The following IKBKE variants were observed in gnomAD, a reference collection of about 807,000 sequenced individuals.
The protein encoded by IKBKE is inhibitor of nuclear factor kappa-B kinase subunit epsilon.
IKBKE carries 45 observed loss-of-function variants against 92.1 expected under a neutral mutation model. The observed-to-expected ratio is 0.49, with a 90% CI of 0.38 to 0.63. The LOEUF is 0.63. Among genes scored for constraint, IKBKE ranks in the 20% least tolerant of loss-of-function variants. The pLI, the probability that IKBKE is intolerant of heterozygous loss-of-function variation, is 0.00. For missense variants in IKBKE, 700 were observed against 932.8 expected (o/e 0.75, Z 3.25); for synonymous variants, 374 against 380.3 (o/e 0.98, Z 0.19).
intron 13 of IKBKE, among the ~76,000 whole-genome samples, chr1:206,481,476 T>C (rs1172623938): frequency 6.6e-6 from 1 of 152,028 alleles, no homozygotes; most frequent in Non-Finnish European, 1.5e-5. Flanking sequence ...AAGAGGAGCA[T>C]CTCCAGATAA....
intron 13 of IKBKE, among the ~76,000 whole-genome samples, chr1:206,481,084 A>T (rs1553386941): frequency 6.6e-6 from 1 of 152,180 alleles, no homozygotes; most frequent in East Asian, 1.9e-4. Context: ...GATGGGTTGG[A>T]AAAAGAGAGA....
chr1:206,491,409 A>AC, intron 17 of IKBKE: 2 of 450,810 alleles, frequency 4.4e-6, no homozygotes, highest in Non-Finnish European at 8.3e-6. Flanking sequence ...TTCCCTGAGG[A>AC]CCCCCTGTGT....
intron 5 of IKBKE, among the ~76,000 whole-genome samples, chr1:206,475,537 C>T (rs1553385022): frequency 2.0e-5 from 3 of 152,040 alleles, no homozygotes; most frequent in South Asian, 2.1e-4. Flanking sequence ...GGGTTTGAGA[C>T]CAGTCTGGCG....
intron 13 of IKBKE, among the ~76,000 whole-genome samples, chr1:206,483,361 C>T (rs1471905847): frequency 7.9e-5 from 12 of 152,222 alleles, no homozygotes; most frequent in African/African-American, 2.9e-4. Context: ...CCAGCCTCAC[C>T]CTCTTCTGCC....
intron 19 of IKBKE, 51 bp downstream of exon 19, chr1:206,493,170 C>T (rs1553391100): frequency 1.3e-6 from 2 of 1,563,328 alleles, no homozygotes; most frequent in Admixed American, 1.7e-5. Flanking sequence ...GGCTGGGGCG[C>T]TTGTTACCCA....
chr1:206,496,861 GT>G lies in IKBKE; in HGVS notation c.*717del, dbSNP rs1343313423. The G allele has an allele frequency of 4.5e-6, 1 of 224,376 alleles. No homozygotes were observed. Among genetic ancestry groups the G allele is most frequent in the Non-Finnish European group, 8.9e-6 (1 of 112,542 alleles). The allele number at this position is 224,376 out of a possible 1,614,324, so 13.9% of individuals were successfully genotyped here. On this transcript the variant is annotated 3_prime_UTR_variant, in exon 22 of 22. Transcript: ENST00000581977. ...GGTCCAAGGCCTGCACCTTCAAGAA[GT>G]GGAATAAATGTGGCCTTTGCTTCTG...
In IKBKE at chr1:206,476,963, C is replaced by T. The variant is rs1553385563; in HGVS notation, c.701+125C>T. The T allele has an allele frequency of 7.1e-5, 72 of 1,015,518 alleles. No homozygotes were observed. Among genetic ancestry groups the T allele is most frequent in the Non-Finnish European group, 4.3e-6 (3 of 694,294 alleles). The allele number at this position is 1,015,518 out of a possible 1,614,324, so 62.9% of individuals were successfully genotyped here. A position where few individuals can be genotyped will look rare whatever the true frequency, so the allele number is the denominator to read the frequency against. ...GGCCCTCCTCTGGTCCACCCCCCAA[C>T]CCAGGCTCTTTGTAGATCTTTTTTT... On this transcript the variant is annotated intron_variant, in intron 7 of 21. Transcript: ENST00000581977. This position sits in a 1 kb window ranked among gnomAD's most constrained non-coding sequence, Gnocchi z 5.1.
rs997148048 is a variant in IKBKE at position 206,489,383 on chromosome 1, A to G, written c.1693+1393A>G. On this transcript the variant is annotated intron_variant, in intron 16 of 21. Coordinates refer to ENST00000581977, the MANE Select transcript of IKBKE (RefSeq NM_014002.4). ...TGTGTGTGTGTGTATATATATATAT[A>G]TATATATATATATATATACACACAC... Among the ~76,000 whole-genome samples the G allele has an allele frequency of 9.8e-4, 138 of 140,906 alleles. No homozygotes were observed. In the Middle Eastern group the frequency reaches 0.015, roughly 15 times the overall value. 92.4% of individuals were successfully genotyped at this position (140,906 alleles called of 152,430 possible). A position where few individuals can be genotyped will look rare whatever the true frequency, so the allele number is the denominator to read the frequency against.
chr1:206,492,908 A>G (rs1572268676), intron 18 of IKBKE, 115 bp from the exon 19 acceptor site: 1 of 856,332 alleles, frequency 1.2e-6, no homozygotes, highest in Middle Eastern at 2.2e-4. Context: ...GCAGCGAGGG[A>G]GGCAAATACC....
rs782638654 is a variant in IKBKE, at chr1:206,493,879, C to T, written c.2046-41C>T. ...CAGGAAAAGGGTCTGGGCAGGGCAA[C>T]TTCCAGCCTCAGCCGCCTCTCCTGC... On this transcript the variant is annotated intron_variant, in intron 20 of 21. Transcript: ENST00000581977. 14 of 1,586,322 alleles carry T rather than the reference C, an allele frequency of 8.8e-6. No homozygotes were observed. The South Asian group carries it at 1.5e-4, about 18-fold the overall frequency.
chr1:206,482,463 C>A (rs920310284), intron 13 of IKBKE, among the ~76,000 whole-genome samples: 1 of 152,214 alleles, frequency 6.6e-6, no homozygotes, highest in Non-Finnish European at 1.5e-5. Flanking sequence ...CTGGGTCTGG[C>A]GTCCTGGCAT....
Position 206,478,955 on chromosome 1 carries a change from C to T in IKBKE, c.1005C>T (p.Phe335=), listed in dbSNP as rs2103460836. Residue 335 remains phenylalanine (F), a synonymous_variant, in exon 10 of 22, where the codon TTC becomes TTT. Transcript: ENST00000581977. This position sits in a 1 kb window ranked among gnomAD's most constrained non-coding sequence, Gnocchi z 4.8. The part of the protein sequence containing the change: ...YIHAHNTIAI[F]QEAVHKQTSV... ...CGGCTGTGTCTAGGATAGCCATTTT[C>T]CAGGAGGCCGTGCACAAGCAGACCA... 1 of 1,614,094 alleles carries T rather than the reference C, an allele frequency of 6.2e-7. No homozygotes were observed. Among genetic ancestry groups the T allele is most frequent in the Non-Finnish European group, 8.5e-7 (1 of 1,180,016 alleles).
rs2103476877 is a variant in IKBKE, at chr1:206,487,855, C to A, written c.1617-59C>A. The stretch of plus-strand genomic sequence containing the variant: ...TCCACTGCCACCCTTCCCCTCCCTC[C>A]CTCTTTCCTCTGTGCTATTAGATTC... On this transcript the variant is annotated intron_variant, in intron 15 of 21. Transcript: ENST00000581977. This position sits in a 1 kb window ranked among gnomAD's most constrained non-coding sequence, Gnocchi z 5.3. The A allele has an allele frequency of 7.1e-7, 1 of 1,400,058 alleles. No individual in the cohort carries two copies. The highest frequency in any genetic ancestry group is 1.0e-6 in the Non-Finnish European group (1 of 995,458). 86.7% of individuals were successfully genotyped at this position (1,400,058 alleles called of 1,614,324 possible). A position where few individuals can be genotyped will look rare whatever the true frequency, so the allele number is the denominator to read the frequency against.
At chr1:206,474,762 A>G (rs782008836) in intron 4 of IKBKE, 103 bp from the exon 5 acceptor site, 2 of 1,390,134 alleles carry the variant, frequency 1.4e-6, no homozygotes, top group Non-Finnish European at 2.0e-6. Flanking sequence ...AGAAGCTGGG[A>G]CCTGGAGAAT....
intron 16 of IKBKE, among the ~76,000 whole-genome samples, chr1:206,488,506 C>G (rs1446916879): frequency 1.3e-5 from 2 of 152,110 alleles, no homozygotes; most frequent in Admixed American, 6.5e-5. Context: ...GCAGGGGCAG[C>G]CCATTTACAG....
At chr1:206,488,472 A>G (rs1384223841) in intron 16 of IKBKE, among the ~76,000 whole-genome samples, 1 of 152,194 alleles carries the variant, frequency 6.6e-6, no homozygotes, top group African/African-American at 2.4e-5. Context: ...TGCTTGATCC[A>G]TTAATCCTCA....
chr1:206,476,324 G>A lies in IKBKE; in HGVS notation c.502G>A (p.Glu168Lys), dbSNP rs1553385318. The A allele has an allele frequency of 6.2e-7, 1 of 1,613,908 alleles. No homozygotes were observed. Among genetic ancestry groups the A allele is most frequent in the Admixed American group, 1.7e-5 (1 of 60,020 alleles). The change falls in exon 6 of 22, where the codon GAG (glutamate) becomes AAG (lysine). Residue 168 changes from glutamate (E) to lysine (K), a missense_variant. Glu to Lys is a moderately conservative substitution (Grantham distance 56). Transcript: ENST00000581977. The surrounding 1 kb of genome is among the most constrained non-coding windows in gnomAD (Gnocchi z 5.1). ...FGAARELDDDEKFVSVYGTEE... is the reference protein window; with the variant it reads ...FGAARELDDDKKFVSVYGTEE... ...CGCTGCCCGGGAGCTGGATGATGAT[G>A]AGAAGTTCGTCTCGGTCTATGGGAC... is the stretch of plus-strand genomic sequence containing the variant.
At chr1:206,477,952 G>A in intron 8 of IKBKE, 93 bp downstream of exon 8, 3 of 978,266 alleles carry the variant, frequency 3.1e-6, no homozygotes, top group African/African-American at 1.6e-5. Context: ...TGTTCCAGCA[G>A]GTTCCGGGCA....
intron 3 of IKBKE, among the ~76,000 whole-genome samples, chr1:206,473,518 C>T (rs1339006157): frequency 2.6e-5 from 4 of 152,142 alleles, no homozygotes; most frequent in African/African-American, 4.8e-5. Context: ...CTGTCGGGCA[C>T]GAGTTGGAGC....
Sources: allele counts gnomAD v4.1 joint callset (sites outside exome capture counted in the v4.1 genomes callset), GRCh38; gene constraint gnomAD v4.1.1; non-coding constraint Gnocchi (gnomAD v3.1); transcripts MANE v1.5; gene names NCBI Gene and HGNC (gene_info 2026-07-23, HGNC 2026-07-21).